The following GOLGA8M variants were observed in gnomAD, a reference collection of about 807,000 sequenced individuals.
GOLGA8M encodes golgin subfamily A member 8M.
GOLGA8M carries 34 observed loss-of-function variants against 87.7 expected under a neutral mutation model. That is an observed-to-expected ratio of 0.39 (90% CI 0.29 to 0.52). The LOEUF (loss-of-function observed/expected upper bound fraction) is 0.52. GOLGA8M is among the 20% of genes least tolerant of loss of function. The pLI, the probability that GOLGA8M is intolerant of heterozygous loss-of-function variation, is 0.80. For synonymous variants in GOLGA8M, 138 were observed against 250.2 expected (o/e 0.55, Z 4.23); for missense variants, 396 against 682.2 (o/e 0.58, Z 4.67).
intron 2 of GOLGA8M, among the ~76,000 whole-genome samples, chr15:28,710,150 T>C (rs1325494265): frequency 1.4e-5 from 2 of 145,478 alleles, no homozygotes; most frequent in South Asian, 2.2e-4. Context: ...TAATCTTGGC[T>C]ACTGCAAGCT....
intron 8 of GOLGA8M, among the ~76,000 whole-genome samples, chr15:28,707,359 TACACACACAC>T (rs143944957): frequency 3.5e-5 from 4 of 114,350 alleles, no homozygotes; most frequent in East Asian, 1.0e-3. Flanking sequence ...TCATAGTATG[TACACACACAC>T]ACACACACAC....
upstream of GOLGA8M, among the ~76,000 whole-genome samples, chr15:28,713,132 G>A (rs1447507836): frequency 2.0e-5 from 3 of 151,726 alleles, no homozygotes; most frequent in Admixed American, 1.3e-4. Context: ...GAGGTCAGGA[G>A]ATCGAGACCA....
Position 28,703,133 on chromosome 15 carries a change from G to A in GOLGA8M, c.1368+186C>T, listed in dbSNP as rs374607697. Among the ~76,000 whole-genome samples, 126 of 133,856 alleles carry A rather than the reference G, an allele frequency of 9.4e-4. 10 individuals carry two copies. The highest frequency in any genetic ancestry group is 3.5e-3 in the Middle Eastern group (1 of 282). 87.8% of individuals were successfully genotyped at this position (133,856 alleles called of 152,430 possible). A position where few individuals can be genotyped will look rare whatever the true frequency, so the allele number is the denominator to read the frequency against. On this transcript the variant is annotated intron_variant, in intron 15 of 18. Coordinates refer to ENST00000563027, the MANE Select transcript of GOLGA8M (RefSeq NM_001282468.3). ...AAATGGGGCAGAGAGGTGGAGCGCA[G>A]CCCCTTCCCTTGGGCCCCCAGAGAC...
chr15:28,712,165 T>A (rs76762489), intron 1 of GOLGA8M, 111 bp downstream of exon 1: 141,304 of 1,527,834 alleles, frequency 0.092, 17,045 homozygotes, highest in East Asian at 0.63. Context: ...GCACCGGGGT[T>A]GGGGGGACCA....
chr15:28,712,590 C>T (rs541507918), upstream of GOLGA8M, among the ~76,000 whole-genome samples: 155 of 150,924 alleles, frequency 1.0e-3, no homozygotes, highest in African/African-American at 3.4e-3. Flanking sequence ...CCCATGCGAC[C>T]GCTCTCCGCA....
chr15:28,702,210 T>A lies in GOLGA8M; in HGVS notation c.1723+4A>T, dbSNP rs1415669370. ...TGCCCACACCACCTGAGGGCTGTAC[T>A]CACCACCATGCTTGTCTGCAGCCCC... On this transcript the variant is annotated splice_donor_region_variant and intron_variant, in intron 18 of 18. Transcript: ENST00000563027. 4.8e-5 allele frequency: 77 copies of A among 1,589,932 alleles called. 2 individuals are homozygous for A. The highest frequency in any genetic ancestry group is 5.3e-5 in the Non-Finnish European group (62 of 1,173,464).
rs1446346293 is a variant in GOLGA8M, at chr15:28,705,629, T to G, written c.985A>C (p.Asn329His). The G allele has an allele frequency of 6.3e-7, 1 of 1,589,948 alleles. No individual in the cohort carries two copies. The highest frequency in any genetic ancestry group is 8.5e-7 in the Non-Finnish European group (1 of 1,179,050). The change falls in exon 12 of 19, where the codon AAT becomes CAT. Residue 329 changes from asparagine (N) to histidine (H), a missense_variant. Coordinates refer to ENST00000563027, the MANE Select transcript of GOLGA8M (RefSeq NM_001282468.3). ...AGELQAQVKNNQRISLLNQRQ... is the reference protein window; with the variant it reads ...AGELQAQVKNHQRISLLNQRQ... ...TGGTTCAGGAGACTTATGCGCTGAT[T>G]GTTTTTGACCTGGGCCTGGAGCTCT... is the stretch of plus-strand genomic sequence containing the variant.
At chr15:28,703,181 A>G (rs2079872207) in intron 15 of GOLGA8M, 138 bp downstream of exon 15, 6 of 884,314 alleles carry the variant, frequency 6.8e-6, no homozygotes, top group Middle Eastern at 3.0e-4. Flanking sequence ...CCACAGGTGA[A>G]ATGGTGTCTG....
In GOLGA8M at chr15:28,699,244, TTAAA is replaced by T. The variant is rs1041969177; in HGVS notation, c.*2706_*2709del. Among the ~76,000 whole-genome samples the T allele has an allele frequency of 8.4e-5, 12 of 143,340 alleles. No individual in the cohort carries two copies. Among genetic ancestry groups the T allele is most frequent in the African/African-American group, 1.3e-4 (5 of 37,890 alleles). The allele number at this position is 143,340 out of a possible 152,430, so 94.0% of individuals were successfully genotyped here. On this transcript the variant is annotated 3_prime_UTR_variant, in exon 19 of 19. Transcript: ENST00000563027. ...AAATGATTATTATATATTGCCATCT[TTAAA>T]TAGGTATTTTGATTCTTCCTACAGA...
intron 6 of GOLGA8M, 42 bp from the exon 7 acceptor site, chr15:28,708,079 G>A (rs1381692291): frequency 1.2e-6 from 2 of 1,608,848 alleles, no homozygotes; most frequent in African/African-American, 1.3e-5. Context: ...GAGAAGGAAA[G>A]AAACATTCTC....
At chr15:28,712,125 C>G (rs1223605231) in intron 1 of GOLGA8M, 151 bp downstream of exon 1, 1 of 1,532,860 alleles carries the variant, frequency 6.5e-7, no homozygotes, top group African/African-American at 1.4e-5. Context: ...GTGGGGCTGA[C>G]TGACAAAACT....
rs539550829 is a variant in GOLGA8M at position 28,698,601 on chromosome 15, A to G, written c.*3353T>C. 2.0e-5 allele frequency among the ~76,000 whole-genome samples: 3 copies of G among 147,330 alleles called. 1 individual carries two copies. The South Asian group carries it at 6.3e-4, about 31-fold the overall frequency. On this transcript the variant is annotated 3_prime_UTR_variant, in exon 19 of 19. Coordinates refer to ENST00000563027, the MANE Select transcript of GOLGA8M (RefSeq NM_001282468.3). ...ATAAAAGTTTTTTAATTAACCCATAACTTTTTTATTTTGGTTTTTAATAAA... is the reference window on the plus strand; with the variant it reads ...ATAAAAGTTTTTTAATTAACCCATAGCTTTTTTATTTTGGTTTTTAATAAA...
Position 28,702,652 on chromosome 15 carries a change from A to G in GOLGA8M, c.1462T>C (p.Cys488Arg), listed in dbSNP as rs769490218. The change falls in exon 16 of 19, where the codon TGC becomes CGC. Residue 488 changes from cysteine (C) to arginine (R), a missense_variant. Physicochemically the swap from Cys to Arg is radical, Grantham distance 180 (BLOSUM62 -3). Transcript: ENST00000563027. ...LRFIQYWQER[C>R]HQKIHHLLSE... ...CCCTGGCCTCCCACTCACTGATGGC[A>G]TCTCTCTTGCCAGTATTGAATGAAG... 2.7e-4 allele frequency: 437 copies of G among 1,609,236 alleles called. 1 individual carries two copies. The highest frequency in any genetic ancestry group is 5.0e-4 in the Middle Eastern group (3 of 5,978).
chr15:28,702,258 C>G lies in GOLGA8M; in HGVS notation c.1679G>C (p.Gly560Ala), dbSNP rs2079812080. The G allele has an allele frequency of 6.4e-7, 1 of 1,574,436 alleles. No individual in the cohort carries two copies. The highest frequency in any genetic ancestry group is 8.5e-7 in the Non-Finnish European group (1 of 1,169,876). ...CCCAAGCTCCTGGGGAGCTGGGGCTCCTGGACCGGGCTCATCAGCAGAGTT... is the reference window on the plus strand; with the variant it reads ...CCCAAGCTCCTGGGGAGCTGGGGCTGCTGGACCGGGCTCATCAGCAGAGTT... ...AHNSADEPGP[G>A]APAPQELGAA... Residue 560 changes from glycine (G) to alanine (A), a missense_variant, in exon 18 of 19, where the codon GGA becomes GCA. This residue lies in a region of GOLGA8M where 173 missense variants were observed against 150.2 expected (regional missense o/e 1.15). Coordinates refer to ENST00000563027, the MANE Select transcript of GOLGA8M (RefSeq NM_001282468.3).
intron 1 of GOLGA8M, chr15:28,711,507 T>C (rs978268693): frequency 1.0e-6 from 1 of 983,800 alleles, no homozygotes; most frequent in Non-Finnish European, 1.2e-6. Flanking sequence ...GGGGGAAGTG[T>C]AGGCTTTTCC....
At position 28,698,642 on chromosome 15, in the gene GOLGA8M, A is replaced by G. The variant is rs905872402; in HGVS notation, c.*3312T>C. Among the ~76,000 whole-genome samples, 3 of 147,282 alleles carry G rather than the reference A, an allele frequency of 2.0e-5. No homozygotes were observed. The highest frequency in any genetic ancestry group is 3.0e-5 in the Non-Finnish European group (2 of 67,710). ...TTTTAATAAACACTTGCATAGTTAT[A>G]TTACAACTTTGTAAAAATGAAACAC... On this transcript the variant is annotated 3_prime_UTR_variant, in exon 19 of 19. Coordinates refer to ENST00000563027, the MANE Select transcript of GOLGA8M (RefSeq NM_001282468.3).
Position 28,706,707 on chromosome 15 carries a change from G to A in GOLGA8M, c.592-8C>T. On this transcript the variant is annotated splice_polypyrimidine_tract_variant and splice_region_variant and intron_variant, in intron 8 of 18. Coordinates refer to ENST00000563027, the MANE Select transcript of GOLGA8M (RefSeq NM_001282468.3). Reference sequence around the variant, plus strand: ...TTTACTGGGGCTGGACAACTGGATGGCAAAGAGTGAGAAGTTTCAATCTGG... The same window carrying A: ...TTTACTGGGGCTGGACAACTGGATGACAAAGAGTGAGAAGTTTCAATCTGG... 6.9e-7 allele frequency: 1 copy of A among 1,440,194 alleles called. No homozygotes were observed. Among genetic ancestry groups the A allele is most frequent in the South Asian group, 1.2e-5 (1 of 84,088 alleles). The allele number at this position is 1,440,194 out of a possible 1,614,324, so 89.2% of individuals were successfully genotyped here.
intron 11 of GOLGA8M, 38 bp from the exon 12 acceptor site, chr15:28,705,777 T>G: frequency 6.4e-7 from 1 of 1,555,712 alleles, no homozygotes. Context: ...CTCTGGATTC[T>G]CGGAAAAGAA....
chr15:28,702,587 C>G (rs755180599), intron 16 of GOLGA8M, 25 bp from the exon 17 acceptor site: 2 of 1,609,494 alleles, frequency 1.2e-6, no homozygotes, highest in Non-Finnish European at 1.7e-6. Context: ...GGCTCAGACG[C>G]TGGGGCCCCT....
Sources: allele counts gnomAD v4.1 joint callset (sites outside exome capture counted in the v4.1 genomes callset), GRCh38; gene constraint gnomAD v4.1.1; regional missense constraint gnomAD v4.1.1; transcripts MANE v1.5; gene names NCBI Gene and HGNC (gene_info 2026-07-23, HGNC 2026-07-21).